Variants in DSP observed in about 807,000 individuals in gnomAD.
DSP encodes the protein desmoplakin, also known as 250/210 kDa paraneoplastic pemphigus antigen.
Under a neutral mutation model 290.6 loss-of-function variants are expected in DSP, and 114 were observed. That is an observed-to-expected ratio of 0.39 (90% CI 0.34 to 0.46). DSP has a LOEUF of 0.46. DSP is among the 20% of genes least tolerant of loss of function. The probability of loss-of-function intolerance (pLI) is 0.99; values close to 1 mark genes in which losing one functional copy is unlikely to be tolerated. For missense variants in DSP, 3,230 were observed against 3,495.8 expected, an observed-to-expected ratio of 0.92 and a Z score of 1.92; for synonymous variants, 1,311 against 1,316.4, an observed-to-expected ratio of 1.00 and a Z score of 0.09.
Position 7,562,800 on chromosome 6 carries a change from T to A in DSP, c.726+20T>A. On this transcript the variant is annotated intron_variant, in intron 5 of 23. Transcript: ENST00000379802. ...GACCTGGTACTTGTCTGTGTTTCAT[T>A]TTAGAGTCTTCAAAATATCTACCGA... 1 of 1,613,710 alleles carries A rather than the reference T, an allele frequency of 6.2e-7. No homozygotes were observed. Among genetic ancestry groups the A allele is most frequent in the Non-Finnish European group, 8.5e-7 (1 of 1,179,746 alleles).
Position 7,583,011 on chromosome 6 carries a change from C to G in DSP, c.5749C>G (p.Leu1917Val), listed in dbSNP as rs936938713. ...KRIEERCRRK[L>V]EDSTRETQSQ... ...AATTGAAGAGAGGTGCAGGCGTAAG[C>G]TGGAGGATTCTACCAGGGAGACACA... The change falls in exon 24 of 24, where the codon CTG (leucine) becomes GTG (valine). Residue 1917 changes from leucine to valine, a missense_variant. This residue lies in a region of DSP where 1,714 missense variants were observed against 1,844.5 expected (regional missense o/e 0.93). Transcript: ENST00000379802. This position sits in a 1 kb window ranked among gnomAD's most constrained non-coding sequence, Gnocchi z 4.0. 1 of 1,613,962 alleles carries G rather than the reference C, an allele frequency of 6.2e-7. No individual in the cohort carries two copies. Among genetic ancestry groups the G allele is most frequent in the African/African-American group, 1.3e-5 (1 of 74,886 alleles).
Position 7,574,113 on chromosome 6 carries a change from G to T in DSP, c.2158G>T (p.Ala720Ser), listed in dbSNP as rs1180846023. 2 of 1,613,976 alleles carry T rather than the reference G, an allele frequency of 1.2e-6. No homozygotes were observed. Among genetic ancestry groups the T allele is most frequent in the Admixed American group, 1.7e-5 (1 of 60,006 alleles). The change falls in exon 16 of 24, where the codon GCT (alanine) becomes TCT (serine). Residue 720 changes from alanine to serine, a missense_variant. Physicochemically the swap from Ala to Ser is moderately conservative, Grantham distance 99 (BLOSUM62 1). Coordinates refer to ENST00000379802, the MANE Select transcript of DSP (RefSeq NM_004415.4). ...TGTGCAGAATGATTCACAAGCAATT[G>T]CTGAGGTTCTCAACCAGCTTAAAGA... ...KSVQNDSQAI[A>S]EVLNQLKDML...
rs372073590 is a variant in DSP, at chr6:7,581,620, A to G, written c.5379+51A>G. ...TTCACTGTTTCTCAAATTATTCATCACATTATTATCTCATCTGAACTGTGC... is the reference window on the plus strand; with the variant it reads ...TTCACTGTTTCTCAAATTATTCATCGCATTATTATCTCATCTGAACTGTGC... On this transcript the variant is annotated intron_variant, in intron 23 of 23. Coordinates refer to ENST00000379802, the MANE Select transcript of DSP (RefSeq NM_004415.4). The G allele has an allele frequency of 9.3e-6, 15 of 1,604,966 alleles. No homozygotes were observed. In the African/African-American group the frequency reaches 2.0e-4, roughly 21 times the overall value.
rs567644850 is a variant in DSP at position 7,545,192 on chromosome 6, A to C, written c.170+3107A>C. 4.6e-5 allele frequency among the ~76,000 whole-genome samples: 7 copies of C among 152,352 alleles called. No homozygotes were observed. The South Asian group carries it at 1.5e-3, about 32-fold the overall frequency. Reference sequence around the variant, plus strand: ...TTTTCTTCAGATCTCATGATTTCAAAACTGAGATACGTGTGATCATTATTT... The same window carrying C: ...TTTTCTTCAGATCTCATGATTTCAACACTGAGATACGTGTGATCATTATTT... On this transcript the variant is annotated intron_variant, in intron 1 of 23. Coordinates refer to ENST00000379802, the MANE Select transcript of DSP (RefSeq NM_004415.4).
chr6:7,561,045 G>A (rs140581021), intron 4 of DSP, among the ~76,000 whole-genome samples: 35 of 151,766 alleles, frequency 2.3e-4, no homozygotes, highest in South Asian at 4.2e-4. Flanking sequence ...TCTATCTCCC[G>A]GGTTCAAGCA....
rs559455032 is a variant in DSP, at chr6:7,543,293, T to C, written c.170+1208T>C. ...CTGAATGCGCTCCAGGGAGTTTTGT[T>C]TTGCAAGCAGTTTTGAAGGCAGGGA... On this transcript the variant is annotated intron_variant, in intron 1 of 23. Transcript: ENST00000379802. Among the ~76,000 whole-genome samples the C allele has an allele frequency of 1.6e-3, 239 of 152,246 alleles. 1 individual carries two copies. Among genetic ancestry groups the C allele is most frequent in the African/African-American group, 5.6e-3 (233 of 41,536 alleles).
At position 7,565,256 on chromosome 6, in the gene DSP, G is replaced by A. The variant is rs1487537625; in HGVS notation, c.778-103G>A. Reference sequence around the variant, plus strand: ...AGGTTAACATTTTTCCTATCCGTGTGATTTTTTTTTTAAAGGGACCACAGG... The same window carrying A: ...AGGTTAACATTTTTCCTATCCGTGTAATTTTTTTTTTAAAGGGACCACAGG... On this transcript the variant is annotated intron_variant, in intron 6 of 23. Coordinates refer to ENST00000379802, the MANE Select transcript of DSP (RefSeq NM_004415.4). This position sits in a 1 kb window ranked among gnomAD's most constrained non-coding sequence, Gnocchi z 4.2. The A allele has an allele frequency of 1.7e-6, 2 of 1,193,432 alleles. No individual in the cohort carries two copies. The highest frequency in any genetic ancestry group is 2.4e-6 in the Non-Finnish European group (2 of 835,980). The allele number at this position is 1,193,432 out of a possible 1,614,324, so 73.9% of individuals were successfully genotyped here.
In DSP at chr6:7,583,006, G is replaced by A. The variant is rs146617683; in HGVS notation, c.5744G>A (p.Arg1915His). 3.7e-5 allele frequency: 59 copies of A among 1,614,070 alleles called. No homozygotes were observed. The highest frequency in any genetic ancestry group is 3.3e-4 in the East Asian group (15 of 44,872). The change falls in exon 24 of 24, where the codon CGT becomes CAT. Residue 1915 changes from arginine to histidine, a missense_variant. Coordinates refer to ENST00000379802, the MANE Select transcript of DSP (RefSeq NM_004415.4). The surrounding 1 kb of genome is among the most constrained non-coding windows in gnomAD (Gnocchi z 4.0). ...EIKRIEERCR[R>H]KLEDSTRETQ... ...AAGAGAATTGAAGAGAGGTGCAGGC[G>A]TAAGCTGGAGGATTCTACCAGGGAG...
In DSP at chr6:7,584,628, T is replaced by C; in HGVS notation, c.7366T>C (p.Ser2456Pro). The C allele has an allele frequency of 1.9e-6, 3 of 1,613,986 alleles. No homozygotes were observed. Among genetic ancestry groups the C allele is most frequent in the Non-Finnish European group, 2.5e-6 (3 of 1,179,990 alleles). Residue 2456 changes from serine (S) to proline (P), a missense_variant, in exon 24 of 24, where the codon TCA (serine) becomes CCA (proline). Ser to Pro is a moderately conservative substitution (Grantham distance 74). Coordinates refer to ENST00000379802, the MANE Select transcript of DSP (RefSeq NM_004415.4). The surrounding 1 kb of genome is among the most constrained non-coding windows in gnomAD (Gnocchi z 6.4). Reference protein sequence around the residue: ...LKEKKKQVQTSQKNTLRKRRV... With the variant: ...LKEKKKQVQTPQKNTLRKRRV... ...AGAAAAGAAGAAACAGGTGCAGACA[T>C]CACAAAAGAATACCCTCAGGAAGCG... is the stretch of plus-strand genomic sequence containing the variant.
chr6:7,568,461 T>C lies in DSP; in HGVS notation c.1291T>C (p.Tyr431His), dbSNP rs1039885114. 2 of 1,614,010 alleles carry C rather than the reference T, an allele frequency of 1.2e-6. No individual in the cohort carries two copies. The highest frequency in any genetic ancestry group is 2.7e-5 in the African/African-American group (2 of 74,938). ...GAAAGAACGAGAGAAAATCCTTGAA[T>C]ACAAGCGTCAGGTGCAGAACTTGGT... ...LEKEREKILE[Y>H]KRQVQNLVNK... Residue 431 changes from tyrosine to histidine, a missense_variant, in exon 11 of 24, where the codon TAC becomes CAC. Physicochemically the swap from Tyr to His is moderately conservative, Grantham distance 83. Around this residue, in one of 5 missense-constraint regions of DSP, gnomAD observed 646 missense variants for 684.3 expected, o/e 0.94. Transcript: ENST00000379802.
chr6:7,558,759 C>T (rs917594063), intron 3 of DSP, among the ~76,000 whole-genome samples: 7 of 152,134 alleles, frequency 4.6e-5, no homozygotes, highest in Non-Finnish European at 7.4e-5. Flanking sequence ...AGCAATCCTC[C>T]GTCTTGTGCT....
At chr6:7,568,638 C>T (rs370107222) in intron 11 of DSP, 49 bp downstream of exon 11, 6 of 1,605,044 alleles carry the variant, frequency 3.7e-6, no homozygotes, top group African/African-American at 1.3e-5. Flanking sequence ...TCTTTACACA[C>T]AAATTTTTGT....
intron 20 of DSP, 82 bp downstream of exon 20, chr6:7,577,124 A>G (rs1194750785): frequency 9.3e-7 from 1 of 1,070,592 alleles, no homozygotes; most frequent in Non-Finnish European, 1.4e-6. Flanking sequence ...TGTAAAGCGT[A>G]TACACTTCCT....
intron 6 of DSP, among the ~76,000 whole-genome samples, chr6:7,564,429 G>A (rs1001981660): frequency 1.3e-5 from 2 of 151,938 alleles, no homozygotes; most frequent in Non-Finnish European, 2.9e-5. Flanking sequence ...AATGTCACTC[G>A]TGGTGACACA....
chr6:7,550,233 T>C (rs1262363107), intron 1 of DSP, among the ~76,000 whole-genome samples: 1 of 151,758 alleles, frequency 6.6e-6, no homozygotes, highest in Non-Finnish European at 1.5e-5. Context: ...TGTTTTTTTT[T>C]CTGTAGAGAT....
Position 7,585,944 on chromosome 6 carries a change from T to G in DSP, c.*66T>G, listed in dbSNP as rs1047104572. 1.3e-6 allele frequency: 2 copies of G among 1,515,308 alleles called. No individual in the cohort carries two copies. The highest frequency in any genetic ancestry group is 1.1e-5 in the South Asian group (1 of 87,754). The allele number at this position is 1,515,308 out of a possible 1,614,324, so 93.9% of individuals were successfully genotyped here. ...TATGAATTTCCACTTTATTAAATAA[T>G]AGAAAAGAAAATCCCGGTGCTTGCA... On this transcript the variant is annotated 3_prime_UTR_variant, in exon 24 of 24. Coordinates refer to ENST00000379802, the MANE Select transcript of DSP (RefSeq NM_004415.4).
At chr6:7,558,507 CTTTTTTTTTTTTT>C (rs145193988) in intron 3 of DSP, among the ~76,000 whole-genome samples, 45 of 104,548 alleles carry the variant, frequency 4.3e-4, no homozygotes, top group African/African-American at 1.6e-3. Context: ...TGGCATTTGA[CTTTTTTTTTTTTT>C]TTTTTTTTTT....
At position 7,586,266 on chromosome 6, in the gene DSP, T is replaced by C. The variant is rs1335632423; in HGVS notation, c.*388T>C. 1 of 200,084 alleles carries C rather than the reference T, an allele frequency of 5.0e-6. No homozygotes were observed. The highest frequency in any genetic ancestry group is 2.4e-5 in the African/African-American group (1 of 41,964). 12.4% of individuals were successfully genotyped at this position (200,084 alleles called of 1,614,324 possible). On this transcript the variant is annotated 3_prime_UTR_variant, in exon 24 of 24. Coordinates refer to ENST00000379802, the MANE Select transcript of DSP (RefSeq NM_004415.4). ...ATCACTGATATTTTAGTCATTCTGC[T>C]TCTCATCTAAATATTTCCATATTCT... is the stretch of plus-strand genomic sequence containing the variant.
rs121912997 is a variant in DSP, at chr6:7,579,989, C to T, written c.3799C>T (p.Arg1267Ter). Residue 1267 changes from arginine to a stop codon, truncating the protein, a stop_gained, in exon 23 of 24, where the codon CGA becomes TGA. Transcript: ENST00000379802. LOFTEE classifies it high-confidence loss of function. This position sits in a 1 kb window ranked among gnomAD's most constrained non-coding sequence, Gnocchi z 4.1. ...CAGCATCTTGCAGGCCACTGAGCAGCGAAGGCGAGCTGAAGAAAACGCCCT... is the reference window on the plus strand; with the variant it reads ...CAGCATCTTGCAGGCCACTGAGCAGTGAAGGCGAGCTGAAGAAAACGCCCT... Reference protein sequence around the residue: ...NDSILQATEQRRRAEENALQQ... With the variant: ...NDSILQATEQ The T allele has an allele frequency of 1.2e-6, 2 of 1,614,018 alleles. No individual in the cohort carries two copies. The highest frequency in any genetic ancestry group is 2.2e-5 in the East Asian group (1 of 44,864).
Sources: gnomAD v4.1 joint callset for allele counts (sites outside exome capture counted in the v4.1 genomes callset) on GRCh38, gnomAD v4.1.1 for gene constraint, gnomAD v4.1.1 regional missense constraint, Gnocchi (gnomAD v3.1) non-coding constraint, MANE v1.5 for transcripts, NCBI Gene and HGNC (gene_info 2026-07-23, HGNC 2026-07-21) for gene names.